The following RAP1GAP2 variants were observed in gnomAD, a reference collection of about 807,000 sequenced individuals.
RAP1GAP2 encodes the protein RAP1 GTPase activating protein 2.
Under a neutral mutation model 95.0 loss-of-function variants are expected in RAP1GAP2, and 27 were observed. The ratio of observed to expected loss-of-function variants is 0.28; its 90% CI spans 0.21 to 0.39. The LOEUF is 0.39. RAP1GAP2 is among the 10% of genes least tolerant of loss of function. The pLI is 1.00. For synonymous variants in RAP1GAP2, 373 were observed against 380.9 expected (o/e 0.98, Z 0.24); for missense variants, 771 against 970.0 (o/e 0.79, Z 2.72).
Position 2,827,910 on chromosome 17 carries a change from C to T in RAP1GAP2, c.80+27360C>T, listed in dbSNP as rs2070648415. ...CGGTGGGGGCCCAGGGGGAGCGTGGCAGAGGCTCTCAGGCTGGAGGCCAGC... is the reference window on the plus strand; with the variant it reads ...CGGTGGGGGCCCAGGGGGAGCGTGGTAGAGGCTCTCAGGCTGGAGGCCAGC... On this transcript the variant is annotated intron_variant, in intron 2 of 24. Coordinates refer to ENST00000254695, the MANE Select transcript of RAP1GAP2 (RefSeq NM_015085.5). The surrounding 1 kb of genome is among the most constrained non-coding windows in gnomAD (Gnocchi z 4.1). 6.6e-6 allele frequency among the ~76,000 whole-genome samples: 1 copy of T among 152,174 alleles called. No individual in the cohort carries two copies. Among genetic ancestry groups the T allele is most frequent in the Non-Finnish European group, 1.5e-5 (1 of 68,036 alleles).
rs144541088 is a variant in RAP1GAP2, at chr17:3,026,320, C to T, written c.1866-30C>T. 129 of 1,520,748 alleles carry T rather than the reference C, an allele frequency of 8.5e-5. 1 individual carries two copies. The South Asian group carries it at 8.6e-4, about 10-fold the overall frequency. The allele number at this position is 1,520,748 out of a possible 1,614,324, so 94.2% of individuals were successfully genotyped here. A position where few individuals can be genotyped will look rare whatever the true frequency, so the allele number is the denominator to read the frequency against. ...GGGTGGAGGGCTCTCGCGTGTGACCCGGGCTGGCCTCACTTCCTATTCCCT... is the reference window on the plus strand; with the variant it reads ...GGGTGGAGGGCTCTCGCGTGTGACCTGGGCTGGCCTCACTTCCTATTCCCT... On this transcript the variant is annotated intron_variant, in intron 20 of 24. Coordinates refer to ENST00000254695, the MANE Select transcript of RAP1GAP2 (RefSeq NM_015085.5).
chr17:3,015,190 C>T (rs1049383585), intron 17 of RAP1GAP2, among the ~76,000 whole-genome samples: 1 of 135,990 alleles, frequency 7.4e-6, no homozygotes, highest in African/African-American at 2.8e-5. Context: ...GCTAGGTGAC[C>T]CTGTTCTATG....
intron 11 of RAP1GAP2, 142 bp from the exon 12 acceptor site, chr17:2,991,155 C>A: frequency 1.5e-6 from 1 of 682,042 alleles, no homozygotes; most frequent in East Asian, 2.8e-5. Context: ...CACCCCAGTC[C>A]CACTGAGGGC....
chr17:2,962,971 T>TATCATTAAAAA, intron 5 of RAP1GAP2: 1 of 518,152 alleles, frequency 1.9e-6, no homozygotes, highest in East Asian at 3.4e-5. Context: ...GGCTTGGCCG[T>TATCATTAAAAA]TTGGCCCGGC....
At chr17:2,994,577 T>A (rs918415515) in intron 12 of RAP1GAP2, among the ~76,000 whole-genome samples, 11 of 152,206 alleles carry the variant, frequency 7.2e-5, no homozygotes, top group Admixed American at 5.2e-4. Context: ...TGACTCCAGA[T>A]GCTCCTCTGG....
At chr17:2,988,100 C>T (rs1420724614) in intron 11 of RAP1GAP2, among the ~76,000 whole-genome samples, 3 of 151,974 alleles carry the variant, frequency 2.0e-5, no homozygotes, top group Admixed American at 6.6e-5. Context: ...GTCCCAGCTA[C>T]TTGGGAGTCT....
intron 3 of RAP1GAP2, among the ~76,000 whole-genome samples, chr17:2,942,048 C>T (rs2043519314): frequency 6.6e-6 from 1 of 152,002 alleles, no homozygotes. Flanking sequence ...AATGAGAGTT[C>T]CTGTTTTGGC....
At chr17:2,836,649 A>G (rs2151559909) in intron 2 of RAP1GAP2, among the ~76,000 whole-genome samples, 1 of 146,378 alleles carries the variant, frequency 6.8e-6, no homozygotes, top group East Asian at 2.0e-4. Flanking sequence ...AAACAAAACA[A>G]AACAACAAGC....
chr17:2,864,086 C>T (rs2072525221), intron 2 of RAP1GAP2, among the ~76,000 whole-genome samples: 1 of 85,334 alleles, frequency 1.2e-5, no homozygotes, highest in Admixed American at 1.1e-4. Flanking sequence ...GGCGGGAGCC[C>T]CCGGTTCCTC....
At chr17:2,762,250 G>C (rs1401698099) in intron 1 of RAP1GAP2, among the ~76,000 whole-genome samples, 2 of 151,676 alleles carry the variant, frequency 1.3e-5, no homozygotes, top group African/African-American at 4.8e-5. Flanking sequence ...GCCTCCCAAA[G>C]TGCTGGGATT....
intron 3 of RAP1GAP2, among the ~76,000 whole-genome samples, chr17:2,941,631 G>GACC (rs2043500913): frequency 6.6e-6 from 1 of 151,534 alleles, no homozygotes; most frequent in Non-Finnish European, 1.5e-5. Context: ...ATTGGATGTG[G>GACC]AGGATGAGGG....
chr17:2,828,945 C>T (rs1295369103), intron 2 of RAP1GAP2, among the ~76,000 whole-genome samples: 1 of 147,230 alleles, frequency 6.8e-6, no homozygotes. Flanking sequence ...TCATTGCTCC[C>T]TGGGGGGGCA....
chr17:2,957,774 G>C lies in RAP1GAP2; in HGVS notation c.181G>C (p.Glu61Gln), dbSNP rs780356057. 6.2e-7 allele frequency: 1 copy of C among 1,607,718 alleles called. No homozygotes were observed. The highest frequency in any genetic ancestry group is 2.3e-5 in the East Asian group (1 of 44,210). Residue 61 changes from glutamate (E) to glutamine (Q), a missense_variant, in exon 4 of 25, where the codon GAG becomes CAG. Glu to Gln is a conservative substitution (Grantham distance 29, BLOSUM62 2). Coordinates refer to ENST00000254695, the MANE Select transcript of RAP1GAP2 (RefSeq NM_015085.5). ...PPTMKSSEFF[E>Q]MLEKMQGIKL... ...TGTCTTTCAGTCGTCGGAGTTCTTTGAGATGCTGGAGAAAATGCAGGTGAG... is the reference window on the plus strand; with the variant it reads ...TGTCTTTCAGTCGTCGGAGTTCTTTCAGATGCTGGAGAAAATGCAGGTGAG...
At chr17:2,980,198 C>A in intron 8 of RAP1GAP2, 89 bp from the exon 9 acceptor site, 2 of 1,279,176 alleles carry the variant, frequency 1.6e-6, no homozygotes, top group Non-Finnish European at 2.2e-6. Context: ...CCTCCTTGGC[C>A]TCCCAAAATG....
chr17:2,940,760 G>A (rs1439076161), intron 3 of RAP1GAP2, among the ~76,000 whole-genome samples: 4 of 152,200 alleles, frequency 2.6e-5, no homozygotes, highest in Admixed American at 6.5e-5. Flanking sequence ...TGGCCAGGTG[G>A]GGACTGTGAG....
At chr17:2,918,635 C>T (rs1433038564) in intron 3 of RAP1GAP2, among the ~76,000 whole-genome samples, 1 of 151,922 alleles carries the variant, frequency 6.6e-6, no homozygotes, top group Non-Finnish European at 1.5e-5. Flanking sequence ...CACTTTTAAA[C>T]AACCAGAGCT....
intron 3 of RAP1GAP2, among the ~76,000 whole-genome samples, chr17:2,907,289 C>T (rs897230078): frequency 6.6e-6 from 1 of 152,034 alleles, no homozygotes; most frequent in Non-Finnish European, 1.5e-5. Flanking sequence ...AGGGAAATGG[C>T]GGTGGTACCA....
intron 10 of RAP1GAP2, 86 bp from the exon 11 acceptor site, chr17:2,984,897 A>C: frequency 6.4e-7 from 1 of 1,572,690 alleles, no homozygotes; most frequent in South Asian, 1.2e-5. Flanking sequence ...TCTCTCCCCA[A>C]ATGGATGCTT....
At chr17:2,893,671 C>T (rs1186640117) in intron 2 of RAP1GAP2, among the ~76,000 whole-genome samples, 1 of 152,234 alleles carries the variant, frequency 6.6e-6, no homozygotes, top group Non-Finnish European at 1.5e-5. Flanking sequence ...GAGGCCGTGA[C>T]CTTGTGCGCT....
Sources: allele counts gnomAD v4.1 joint callset (sites outside exome capture counted in the v4.1 genomes callset), GRCh38; gene constraint gnomAD v4.1.1; non-coding constraint Gnocchi (gnomAD v3.1); transcripts MANE v1.5; gene names NCBI Gene and HGNC (gene_info 2026-07-23, HGNC 2026-07-21).